MYO5B: variants seen among roughly 807,000 people sequenced by gnomAD.
MYO5B encodes the protein myosin VB, also known as unconventional myosin-Vb.
In MYO5B, 143 loss-of-function variants were observed where a neutral mutation model predicts 229.3. The observed-to-expected ratio is 0.62, with a 90% CI of 0.54 to 0.72. MYO5B has a LOEUF of 0.72. MYO5B is among the 30% of genes least tolerant of loss of function. The pLI is 0.00. For synonymous variants in MYO5B, 918 were observed against 885.2 expected (o/e 1.04, Z -0.66); for missense variants, 2,321 against 2,331.0 (o/e 1.00, Z 0.09).
At chr18:49,857,583 T>C (rs953632206) in intron 29 of MYO5B, among the ~76,000 whole-genome samples, 1 of 152,242 alleles carries the variant, frequency 6.6e-6, no homozygotes, top group Non-Finnish European at 1.5e-5. Flanking sequence ...AGTTTTGTGA[T>C]GCCCTAGATG....
At chr18:49,963,424 ATTT>A (rs1568049883) in intron 10 of MYO5B, among the ~76,000 whole-genome samples, 4 of 149,946 alleles carry the variant, frequency 2.7e-5, no homozygotes, top group African/African-American at 7.6e-5. Flanking sequence ...TAATTTATTT[ATTT>A]ATTTATTTAT....
chr18:49,950,959 A>G (rs2025424913), intron 14 of MYO5B, among the ~76,000 whole-genome samples: 1 of 152,184 alleles, frequency 6.6e-6, no homozygotes, highest in Admixed American at 6.5e-5. Context: ...TCATGCAAAC[A>G]ATAATTTATG....
intron 1 of MYO5B, among the ~76,000 whole-genome samples, chr18:50,087,941 G>A (rs1260715214): frequency 6.6e-6 from 1 of 152,190 alleles, no homozygotes; most frequent in African/African-American, 2.4e-5. Flanking sequence ...GAGCAGCAGG[G>A]GTTGGGTACC....
intron 16 of MYO5B, among the ~76,000 whole-genome samples, chr18:49,934,114 G>T (rs2025224153): frequency 1.3e-5 from 2 of 152,208 alleles, no homozygotes; most frequent in Non-Finnish European, 2.9e-5. Context: ...TGCCTCAAGT[G>T]ATCCTCCTGC....
At position 49,879,155 on chromosome 18, in the gene MYO5B, T is replaced by C. The variant is rs4939602; in HGVS notation, c.3131-65A>G. On this transcript the variant is annotated intron_variant, in intron 23 of 39. Coordinates refer to ENST00000285039, the MANE Select transcript of MYO5B (RefSeq NM_001080467.3). ...ATTCCCTCACATGTATTGACTCATG[T>C]TTTCCGATTAATCTCTTGTTAAGAG... The C allele has an allele frequency of 0.22, 352,563 of 1,603,584 alleles. 41,127 individuals carry two copies. Among genetic ancestry groups the C allele is most frequent in the East Asian group, 0.39 (17,300 of 44,738 alleles).
chr18:50,028,048 A>T (rs79557179), intron 4 of MYO5B, among the ~76,000 whole-genome samples: 5,828 of 152,268 alleles, frequency 0.038, 366 homozygotes, highest in African/African-American at 0.13. Context: ...AAAAAACACA[A>T]GAAAACTTTC....
intron 22 of MYO5B, among the ~76,000 whole-genome samples, chr18:49,893,303 A>G (rs1330021220): frequency 6.6e-6 from 1 of 152,160 alleles, no homozygotes; most frequent in African/African-American, 2.4e-5. Flanking sequence ...TTTTTCTCCC[A>G]GGGTCACTAG....
At chr18:50,031,737 A>G (rs2026391939) in intron 4 of MYO5B, among the ~76,000 whole-genome samples, 1 of 152,318 alleles carries the variant, frequency 6.6e-6, no homozygotes, top group East Asian at 1.9e-4. Flanking sequence ...TTCTTTGAAC[A>G]TCTCTTGTAT....
intron 21 of MYO5B, among the ~76,000 whole-genome samples, chr18:49,900,495 C>T (rs536185599): frequency 6.6e-6 from 1 of 152,326 alleles, no homozygotes; most frequent in South Asian, 2.1e-4. Context: ...CTCAGAAAGC[C>T]TTGTCTTTTG....
chr18:50,036,431 T>C (rs139238276), intron 4 of MYO5B, among the ~76,000 whole-genome samples: 1 of 152,316 alleles, frequency 6.6e-6, no homozygotes, highest in East Asian at 1.9e-4. Context: ...TCCCAAGAAG[T>C]TGTCAAAGAG....
intron 1 of MYO5B, among the ~76,000 whole-genome samples, chr18:50,073,432 A>C (rs1351309056): frequency 1.3e-5 from 2 of 152,122 alleles, no homozygotes; most frequent in South Asian, 4.1e-4. Flanking sequence ...TTCCCAAAAC[A>C]ACTTGGCTTT....
At chr18:50,053,853 T>A (rs1301738824) in intron 2 of MYO5B, among the ~76,000 whole-genome samples, 1 of 152,210 alleles carries the variant, frequency 6.6e-6, no homozygotes. Context: ...ACACTTTTAG[T>A]GCTGTTGCCA....
At chr18:49,889,968 T>C (rs2024690123) in intron 22 of MYO5B, among the ~76,000 whole-genome samples, 1 of 152,240 alleles carries the variant, frequency 6.6e-6, no homozygotes. Flanking sequence ...CTTGGCTTTA[T>C]TATTCTAAGC....
At position 50,162,114 on chromosome 18, in the gene MYO5B, A is replaced by T. The variant is rs374840270; in HGVS notation, c.27+32653T>A. On this transcript the variant is annotated intron_variant, in intron 1 of 39. Transcript: ENST00000285039. ...CTGTCTTGCAAGATGAGGTCACTAC[A>T]TTCTCCAATTCCCCTGTGCTCCAAT... Among the ~76,000 whole-genome samples, 5 of 152,384 alleles carry T rather than the reference A, an allele frequency of 3.3e-5. No homozygotes were observed. The East Asian group carries it at 5.8e-4, about 18-fold the overall frequency.
intron 1 of MYO5B, among the ~76,000 whole-genome samples, chr18:50,155,524 C>G (rs924517514): frequency 6.6e-6 from 1 of 152,194 alleles, no homozygotes; most frequent in African/African-American, 2.4e-5. Flanking sequence ...CTGCTTCTAA[C>G]TACCTTGCAG....
intron 19 of MYO5B, 148 bp from the exon 20 acceptor site, chr18:49,904,976 AC>A: frequency 1.1e-6 from 1 of 929,514 alleles, no homozygotes; most frequent in Non-Finnish European, 1.7e-6. Flanking sequence ...TTCACCCCTA[AC>A]AAATGTAGCA....
chr18:49,958,349 T>C (rs112724534), intron 12 of MYO5B, among the ~76,000 whole-genome samples: 1 of 152,320 alleles, frequency 6.6e-6, no homozygotes, highest in South Asian at 2.1e-4. Flanking sequence ...CACTCTGCAA[T>C]TTCTCTTTCT....
intron 13 of MYO5B, among the ~76,000 whole-genome samples, chr18:49,954,033 T>A (rs2025463658): frequency 1.1e-5 from 1 of 93,038 alleles, no homozygotes. Context: ...TATGTGTGTG[T>A]GTGTGTGTGT....
In MYO5B at chr18:49,841,452, C is replaced by A; in HGVS notation, c.4614G>T (p.Lys1538Asn). ...ACGTCATCTCAAAGTCATCATTGTGCTTCTGTGAAAAGAAAAGGACATCCT... is the reference window on the plus strand; with the variant it reads ...ACGTCATCTCAAAGTCATCATTGTGATTCTGTGAAAAGAAAAGGACATCCT... ...TINGIKKVLK[K>N]HNDDFEMTSF... Residue 1538 changes from lysine (K) to asparagine (N), a missense_variant and splice_region_variant, in exon 35 of 40, where the codon AAG becomes AAT. Around this residue, in one of 2 missense-constraint regions of MYO5B, gnomAD observed 2,113 missense variants for 2,044.7 expected, o/e 1.03. Coordinates refer to ENST00000285039, the MANE Select transcript of MYO5B (RefSeq NM_001080467.3). The A allele has an allele frequency of 6.2e-7, 1 of 1,614,036 alleles. No individual in the cohort carries two copies. The highest frequency in any genetic ancestry group is 8.5e-7 in the Non-Finnish European group (1 of 1,179,904).
Sources: allele counts gnomAD v4.1 joint callset (sites outside exome capture counted in the v4.1 genomes callset), GRCh38; gene constraint gnomAD v4.1.1; regional missense constraint gnomAD v4.1.1; transcripts MANE v1.5; gene names NCBI Gene and HGNC (gene_info 2026-07-23, HGNC 2026-07-21).